Variants in KATNIP observed in about 807,000 individuals in gnomAD.
KATNIP encodes the protein katanin interacting protein.
KATNIP carries 126 observed loss-of-function variants against 174.0 expected under a neutral mutation model. The observed-to-expected ratio is 0.72, with a 90% CI of 0.63 to 0.84. The LOEUF (loss-of-function observed/expected upper bound fraction) is 0.84. KATNIP is among the 40% of genes least tolerant of loss of function. The pLI, the probability that KATNIP is intolerant of heterozygous loss-of-function variation, is 0.00. For missense variants in KATNIP, 1,958 were observed against 2,109.7 expected, an observed-to-expected ratio of 0.93 and a Z score of 1.41; for synonymous variants, 810 against 835.7, an observed-to-expected ratio of 0.97 and a Z score of 0.53.
rs559873544 is a variant in KATNIP at position 27,776,451 on chromosome 16, C to T, written c.4450-477C>T. Among the ~76,000 whole-genome samples the T allele has an allele frequency of 6.6e-6, 1 of 152,302 alleles. No homozygotes were observed. The highest frequency in any genetic ancestry group is 1.9e-4 in the East Asian group (1 of 5,180). ...TTTTTACTCCCCCAGCGGAGGTTCACAGACACGCCCTGGACATTGTCCAGC... is the reference window on the plus strand; with the variant it reads ...TTTTTACTCCCCCAGCGGAGGTTCATAGACACGCCCTGGACATTGTCCAGC... On this transcript the variant is annotated intron_variant, in intron 24 of 27. Transcript: ENST00000261588. This position sits in a 1 kb window ranked among gnomAD's most constrained non-coding sequence, Gnocchi z 4.7.
At chr16:27,669,396 T>A (rs1007200663) in intron 6 of KATNIP, 5 of 630,640 alleles carry the variant, frequency 7.9e-6, no homozygotes. Flanking sequence ...CTGGCCTCCA[T>A]GCAGAGGGCT....
rs1289949184 is a variant in KATNIP at position 27,618,436 on chromosome 16, G to A, written c.75G>A (p.Lys25=). ...CSREKKEGYA[K]DMVTDFDEKH... is the part of the protein sequence containing the mutation. ...TTTCTTCATTTCAGGGTTACGCTAA[G>A]GACATGGTGACAGACTTTGATGAGA... is the stretch of plus-strand genomic sequence containing the variant. The change falls in exon 3 of 28, where the codon AAG becomes AAA. Residue 25 remains lysine (K), a synonymous_variant. Transcript: ENST00000261588. 1.2e-6 allele frequency: 2 copies of A among 1,612,952 alleles called. No homozygotes were observed. The highest frequency in any genetic ancestry group is 3.3e-5 in the Admixed American group (2 of 60,022).
chr16:27,657,333 A>G (rs2077331399), intron 6 of KATNIP, among the ~76,000 whole-genome samples: 1 of 152,172 alleles, frequency 6.6e-6, no homozygotes, highest in Non-Finnish European at 1.5e-5. Flanking sequence ...CTAGCATGAT[A>G]CGTTTTCTGT....
At chr16:27,743,088 T>A (rs2081167879) in intron 15 of KATNIP, among the ~76,000 whole-genome samples, 1 of 152,190 alleles carries the variant, frequency 6.6e-6, no homozygotes. Context: ...CAGCTCCCAC[T>A]TATAAGTAAG....
chr16:27,659,709 C>T (rs2142457378), intron 6 of KATNIP, among the ~76,000 whole-genome samples: 1 of 152,142 alleles, frequency 6.6e-6, no homozygotes, highest in South Asian at 2.1e-4. Flanking sequence ...GAGAGGCTTT[C>T]TGATTAGGTA....
Position 27,778,658 on chromosome 16 carries a change from C to A in KATNIP, c.*29C>A. The stretch of plus-strand genomic sequence containing the variant: ...GTGAAGGAGGGAGAGCTGGTCCTCC[C>A]ACTATGGTGGGCTCCGTCAGCAGCC... On this transcript the variant is annotated 3_prime_UTR_variant, in exon 28 of 28. Transcript: ENST00000261588. 2 of 1,608,006 alleles carry A rather than the reference C, an allele frequency of 1.2e-6. No individual in the cohort carries two copies. Among genetic ancestry groups the A allele is most frequent in the Non-Finnish European group, 1.7e-6 (2 of 1,175,594 alleles).
intron 2 of KATNIP, among the ~76,000 whole-genome samples, chr16:27,583,358 AATAGCCTTT>A (rs1409181366): frequency 1.3e-5 from 2 of 152,152 alleles, no homozygotes; most frequent in African/African-American, 4.8e-5. Context: ...TTAGGCATGA[AATAGCCTTT>A]AAGATAGCTC....
chr16:27,674,359 T>TA (rs1355888997), intron 6 of KATNIP, among the ~76,000 whole-genome samples: 2 of 152,178 alleles, frequency 1.3e-5, no homozygotes, highest in Admixed American at 6.5e-5. Context: ...TCCTAAAACT[T>TA]AAAGTATAAT....
At chr16:27,685,316 G>A (rs1396473554) in intron 8 of KATNIP, 4 of 152,168 alleles carry the variant, frequency 2.6e-5, no homozygotes, top group Admixed American at 6.6e-5. Context: ...GCTTGAACCC[G>A]AGGGGCAGAG....
chr16:27,729,000 A>G (rs1421082224), intron 14 of KATNIP, among the ~76,000 whole-genome samples: 1 of 152,244 alleles, frequency 6.6e-6, no homozygotes, highest in Non-Finnish European at 1.5e-5. Flanking sequence ...GCCTCCTGCC[A>G]GGACTGACTC....
At chr16:27,587,005 T>C (rs1191095174) in intron 2 of KATNIP, among the ~76,000 whole-genome samples, 2 of 151,526 alleles carry the variant, frequency 1.3e-5, no homozygotes, top group Non-Finnish European at 2.9e-5. Context: ...TCCTGGGAGA[T>C]GGCTTGGCAC....
chr16:27,680,590 T>G (rs8058028), intron 7 of KATNIP, among the ~76,000 whole-genome samples: 127,727 of 152,240 alleles, frequency 0.84, 54,127 homozygotes, highest in African/African-American at 0.96. Flanking sequence ...GCAGTGGCAC[T>G]ATCATAACTC....
chr16:27,593,752 T>C (rs117526301), intron 2 of KATNIP, among the ~76,000 whole-genome samples: 3,610 of 152,284 alleles, frequency 0.024, 68 homozygotes, highest in Admixed American at 0.031. Flanking sequence ...AATTAATCCT[T>C]CTACCTTGGC....
rs1359003592 is a variant in KATNIP at position 27,778,628 on chromosome 16, G to A, written c.4856G>A (p.Ter1619=). 4 of 1,613,698 alleles carry A rather than the reference G, an allele frequency of 2.5e-6. No individual in the cohort carries two copies. The Admixed American group carries it at 5.0e-5, about 20-fold the overall frequency. ...SEKETRRRRC[*] is the part of the protein sequence containing the mutation. ...AAGGAGACGAGACGACGGCGCTGCT[G>A]ACTGGTGAAGGAGGGAGAGCTGGTC... The change falls in exon 28 of 28, where the codon TGA becomes TAA. Residue 1619 remains the stop codon, a stop_retained_variant. Transcript: ENST00000261588.
chr16:27,721,759 A>G, intron 14 of KATNIP, 64 bp downstream of exon 14: 1 of 1,569,774 alleles, frequency 6.4e-7, no homozygotes. Context: ...GCAGTTTGCC[A>G]ATAGCCTGAT....
chr16:27,576,759 C>A (rs956735654), intron 2 of KATNIP, among the ~76,000 whole-genome samples: 1 of 152,210 alleles, frequency 6.6e-6, no homozygotes, highest in African/African-American at 2.4e-5. Flanking sequence ...CCTGACTTCC[C>A]AACCCTCTGT....
At chr16:27,651,232 C>T (rs147278053) in intron 6 of KATNIP, among the ~76,000 whole-genome samples, 82 of 152,322 alleles carry the variant, frequency 5.4e-4, no homozygotes, top group African/African-American at 1.4e-3. Context: ...GCTGCTGCTC[C>T]GCCAGCACTT....
Position 27,766,444 on chromosome 16 carries a change from C to CTGG in KATNIP, c.3945_3946insTGG (p.Tyr1315_Asn1316insTrp). ...TCGCAGGCCTGCGCTTCTGGAACTA[C>CTGG]AATAAATCTCCCGAGGACACCTATC... On this transcript the variant is annotated inframe_insertion, in exon 20 of 28. Transcript: ENST00000261588. The CTGG allele has an allele frequency of 6.2e-7, 1 of 1,613,776 alleles. No individual in the cohort carries two copies. Among genetic ancestry groups the CTGG allele is most frequent in the Non-Finnish European group, 8.5e-7 (1 of 1,180,008 alleles).
At chr16:27,559,365 A>C (rs2089759495) in intron 1 of KATNIP, among the ~76,000 whole-genome samples, 1 of 152,210 alleles carries the variant, frequency 6.6e-6, no homozygotes, top group South Asian at 2.1e-4. Context: ...AGTGTCTATC[A>C]ATATGTTTTT....
Sources: allele counts gnomAD v4.1 joint callset (sites outside exome capture counted in the v4.1 genomes callset), GRCh38; gene constraint gnomAD v4.1.1; non-coding constraint Gnocchi (gnomAD v3.1); transcripts MANE v1.5; gene names NCBI Gene and HGNC (gene_info 2026-07-23, HGNC 2026-07-21).